ZMAT4: variants seen among roughly 807,000 people sequenced by gnomAD.
ZMAT4 encodes the protein zinc finger matrin-type protein 4.
ZMAT4 carries 17 observed loss-of-function variants against 28.7 expected under a neutral mutation model. The observed-to-expected ratio is 0.59, with a 90% CI of 0.41 to 0.89. ZMAT4 has a LOEUF of 0.89. Ranked by LOEUF, ZMAT4 falls within the 40% of genes least tolerant of loss-of-function variation. ZMAT4 has a pLI of 0.00. For synonymous variants in ZMAT4, 117 were observed against 109.2 expected (o/e 1.07, Z -0.44); for missense variants, 240 against 283.8 (o/e 0.85, Z 1.11).
At chr8:40,723,616 T>C (rs1329742454) in intron 3 of ZMAT4, among the ~76,000 whole-genome samples, 1 of 150,982 alleles carries the variant, frequency 6.6e-6, no homozygotes, top group Non-Finnish European at 1.5e-5. Flanking sequence ...ATTCTCTAAA[T>C]TAATTCTAAA....
chr8:40,667,582 C>G (rs1808473965), intron 5 of ZMAT4, among the ~76,000 whole-genome samples: 1 of 152,172 alleles, frequency 6.6e-6, no homozygotes, highest in African/African-American at 2.4e-5. Flanking sequence ...AAATTGTGTA[C>G]TGCAGTAGAA....
chr8:40,874,521 C>T (rs1817975157), intron 1 of ZMAT4, among the ~76,000 whole-genome samples: 1 of 152,242 alleles, frequency 6.6e-6, no homozygotes, highest in Non-Finnish European at 1.5e-5. Context: ...AGTTGGGTCT[C>T]TGGCACACCC....
intron 6 of ZMAT4, among the ~76,000 whole-genome samples, chr8:40,570,750 A>ACAAAC (rs1804071759): frequency 6.6e-6 from 1 of 151,716 alleles, no homozygotes; most frequent in African/African-American, 2.4e-5. Context: ...AAACAAACAA[A>ACAAAC]AAAACCTTGT....
At chr8:40,616,529 A>ATG (rs1450024924) in intron 5 of ZMAT4, among the ~76,000 whole-genome samples, 1 of 152,232 alleles carries the variant, frequency 6.6e-6, no homozygotes, top group African/African-American at 2.4e-5. Context: ...AATGTGGCAC[A>ATG]TATACACCAT....
chr8:40,628,731 G>T (rs1806463933), intron 5 of ZMAT4, among the ~76,000 whole-genome samples: 1 of 152,146 alleles, frequency 6.6e-6, no homozygotes, highest in African/African-American at 2.4e-5. Context: ...GGAGCAGAGA[G>T]ATGGAAATTC....
intron 5 of ZMAT4, among the ~76,000 whole-genome samples, chr8:40,673,548 G>A (rs532785267): frequency 1.3e-5 from 2 of 152,222 alleles, no homozygotes; most frequent in South Asian, 2.1e-4. Context: ...CACCAAATCT[G>A]AAGTATAGTA....
chr8:40,790,600 A>G (rs916787445), intron 2 of ZMAT4, among the ~76,000 whole-genome samples: 1 of 152,198 alleles, frequency 6.6e-6, no homozygotes, highest in African/African-American at 2.4e-5. Context: ...CAAGACCTAT[A>G]CACTAAAAAA....
chr8:40,589,013 A>C (rs1245737309), intron 5 of ZMAT4, among the ~76,000 whole-genome samples: 1 of 152,186 alleles, frequency 6.6e-6, no homozygotes, highest in Non-Finnish European at 1.5e-5. Context: ...TAGAAACAAT[A>C]AGGTCTTTGT....
intron 1 of ZMAT4, among the ~76,000 whole-genome samples, chr8:40,836,299 A>C (rs1816487229): frequency 1.3e-5 from 2 of 152,196 alleles, no homozygotes; most frequent in Non-Finnish European, 2.9e-5. Flanking sequence ...GAGTTGAAGA[A>C]GGTGTGAAAA....
chr8:40,556,735 CAT>C, intron 6 of ZMAT4, among the ~76,000 whole-genome samples: 2 of 152,256 alleles, frequency 1.3e-5, no homozygotes, highest in Middle Eastern at 6.8e-3. Flanking sequence ...CTATGGGGTA[CAT>C]GTGAGTATTT....
At chr8:40,756,427 T>TATATATATATATATATAC (rs1812686284) in intron 3 of ZMAT4, among the ~76,000 whole-genome samples, 1 of 13,820 alleles carries the variant, frequency 7.2e-5, no homozygotes, top group East Asian at 5.3e-3. Flanking sequence ...AATGTTCTTT[T>TATATATATATATATATAC]ATATATATAT....
chr8:40,548,896 CA>C (rs1803282964), intron 6 of ZMAT4, among the ~76,000 whole-genome samples: 1 of 152,080 alleles, frequency 6.6e-6, no homozygotes, highest in African/African-American at 2.4e-5. Flanking sequence ...TGACAAAGGT[CA>C]AAGGAGATGC....
chr8:40,779,636 A>C (rs985431675), intron 2 of ZMAT4, among the ~76,000 whole-genome samples: 1 of 152,206 alleles, frequency 6.6e-6, no homozygotes, highest in African/African-American at 2.4e-5. Flanking sequence ...CTGAATAATA[A>C]GAATTACTAG....
chr8:40,754,134 T>C (rs1812573742), intron 3 of ZMAT4, among the ~76,000 whole-genome samples: 1 of 150,312 alleles, frequency 6.7e-6, no homozygotes, highest in African/African-American at 2.5e-5. Context: ...ATCACGCCAC[T>C]GCACTCCAGC....
At chr8:40,646,338 T>G (rs2118789204) in intron 5 of ZMAT4, among the ~76,000 whole-genome samples, 1 of 152,092 alleles carries the variant, frequency 6.6e-6, no homozygotes, top group South Asian at 2.1e-4. Flanking sequence ...TTTAGCTATA[T>G]TTCTTTGTAT....
intron 1 of ZMAT4, among the ~76,000 whole-genome samples, chr8:40,881,594 G>GAAAGAAAAGA (rs368405719): frequency 1.8e-5 from 2 of 108,636 alleles, no homozygotes; most frequent in African/African-American, 3.5e-5. Flanking sequence ...AAGAAAGAAA[G>GAAAGAAAAGA]AAAGAAAAGA....
intron 3 of ZMAT4, among the ~76,000 whole-genome samples, chr8:40,708,738 C>T (rs1399228255): frequency 6.6e-6 from 1 of 151,388 alleles, no homozygotes; most frequent in Non-Finnish European, 1.5e-5. Context: ...CAACCTCCGC[C>T]ACCCAGGTTC....
intron 5 of ZMAT4, among the ~76,000 whole-genome samples, chr8:40,650,856 A>G (rs987227660): frequency 1.4e-4 from 22 of 151,992 alleles, no homozygotes; most frequent in African/African-American, 4.6e-4. Context: ...TGCAGAAAAA[A>G]CCTTTGACAA....
At chr8:40,588,218 A>G (rs1266146361) in intron 5 of ZMAT4, among the ~76,000 whole-genome samples, 1 of 152,072 alleles carries the variant, frequency 6.6e-6, no homozygotes, top group Non-Finnish European at 1.5e-5. Context: ...TCATGAAATT[A>G]GAACAGGCAC....
Sources: allele counts gnomAD v4.1 joint callset (sites outside exome capture counted in the v4.1 genomes callset), GRCh38; gene constraint gnomAD v4.1.1; transcripts MANE v1.5; gene names NCBI Gene and HGNC (gene_info 2026-07-23, HGNC 2026-07-21).